GALNTL6: variants seen among roughly 807,000 people sequenced by gnomAD.
GALNTL6 encodes the protein polypeptide N-acetylgalactosaminyltransferase like 6, also known as polypeptide N-acetylgalactosaminyltransferase-like 6.
Under a neutral mutation model 73.7 loss-of-function variants are expected in GALNTL6, and 46 were observed. The ratio of observed to expected loss-of-function variants is 0.62; its 90% CI spans 0.49 to 0.80. GALNTL6 has a LOEUF of 0.80. GALNTL6 is among the 30% of genes least tolerant of loss of function. GALNTL6 has a pLI of 0.00. For missense variants in GALNTL6, 604 were observed against 755.0 expected, an observed-to-expected ratio of 0.80 and a Z score of 2.34; for synonymous variants, 259 against 263.7, an observed-to-expected ratio of 0.98 and a Z score of 0.17.
At chr4:172,303,341 CA>C (rs1175208100) in intron 3 of GALNTL6, among the ~76,000 whole-genome samples, 1 of 152,126 alleles carries the variant, frequency 6.6e-6, no homozygotes, top group Non-Finnish European at 1.5e-5. Flanking sequence ...TACTACACTT[CA>C]CTCTGATTAA....
At chr4:172,801,934 C>A (rs758910693) in intron 5 of GALNTL6, among the ~76,000 whole-genome samples, 12 of 152,102 alleles carry the variant, frequency 7.9e-5, no homozygotes, top group Non-Finnish European at 1.5e-4. Context: ...TGATGATCCA[C>A]TTCCATTTAA....
chr4:172,721,289 T>TG (rs1735459006), intron 5 of GALNTL6, among the ~76,000 whole-genome samples: 1 of 152,102 alleles, frequency 6.6e-6, no homozygotes, highest in Admixed American at 6.5e-5. Flanking sequence ...GGAAACCAAA[T>TG]ACTTGGAAGA....
intron 2 of GALNTL6, among the ~76,000 whole-genome samples, chr4:171,895,630 C>T (rs79628654): frequency 0.037 from 5,569 of 151,944 alleles, 319 homozygotes; most frequent in African/African-American, 0.12. Flanking sequence ...ATATTCATGA[C>T]GTCTATGATA....
chr4:171,966,589 G>T (rs572649489), intron 2 of GALNTL6, among the ~76,000 whole-genome samples: 1 of 152,278 alleles, frequency 6.6e-6, no homozygotes, highest in Non-Finnish European at 1.5e-5. Context: ...CTGGTGCTTA[G>T]GGAGGAAGGA....
chr4:172,379,621 ATAAAT>A (rs1743196422), intron 5 of GALNTL6, among the ~76,000 whole-genome samples: 1 of 151,002 alleles, frequency 6.6e-6, no homozygotes, highest in African/African-American at 2.4e-5. Context: ...AAAGGAGCTC[ATAAAT>A]TAAAATAAAA....
intron 2 of GALNTL6, among the ~76,000 whole-genome samples, chr4:171,980,467 T>C (rs563824931): frequency 6.6e-6 from 1 of 152,316 alleles, no homozygotes; most frequent in East Asian, 1.9e-4. Flanking sequence ...AAATTGATAA[T>C]GGATTTGAAT....
At chr4:172,417,296 G>A (rs1370370456) in intron 5 of GALNTL6, among the ~76,000 whole-genome samples, 1 of 151,836 alleles carries the variant, frequency 6.6e-6, no homozygotes, top group Admixed American at 6.6e-5. Flanking sequence ...AGCAATCTGT[G>A]GCCCTCATTC....
chr4:172,215,897 T>G (rs1318425355), intron 2 of GALNTL6, among the ~76,000 whole-genome samples: 1 of 152,138 alleles, frequency 6.6e-6, no homozygotes, highest in Non-Finnish European at 1.5e-5. Context: ...TACTCGAGTT[T>G]GCATTATGCA....
chr4:172,000,251 G>A (rs955234395), intron 2 of GALNTL6, among the ~76,000 whole-genome samples: 2 of 152,074 alleles, frequency 1.3e-5, no homozygotes, highest in South Asian at 2.1e-4. Flanking sequence ...AATGAGGTCC[G>A]GCAGTATGGA....
intron 7 of GALNTL6, among the ~76,000 whole-genome samples, chr4:172,882,066 T>A (rs1207501013): frequency 6.6e-6 from 1 of 151,402 alleles, no homozygotes; most frequent in African/African-American, 2.4e-5. Context: ...ACTGCAAAAA[T>A]ATTTAGGGCA....
At chr4:171,935,814 G>T (rs1314024762) in intron 2 of GALNTL6, among the ~76,000 whole-genome samples, 1 of 152,132 alleles carries the variant, frequency 6.6e-6, no homozygotes, top group East Asian at 1.9e-4. Flanking sequence ...GGGCAGGTGT[G>T]TAGATGAATT....
At chr4:172,610,292 G>T (rs1039868088) in intron 5 of GALNTL6, among the ~76,000 whole-genome samples, 3 of 151,914 alleles carry the variant, frequency 2.0e-5, no homozygotes, top group East Asian at 1.9e-4. Flanking sequence ...TGTGATGTTA[G>T]GTTGTTAAAT....
At chr4:172,206,805 G>GTTTGTT (rs1554003003) in intron 2 of GALNTL6, among the ~76,000 whole-genome samples, 578 of 26,122 alleles carry the variant, frequency 0.022, 117 homozygotes, top group South Asian at 0.025. Context: ...TTGTTTTTCT[G>GTTTGTT]TTTTTTTTGT....
intron 5 of GALNTL6, among the ~76,000 whole-genome samples, chr4:172,553,677 T>C (rs1245085120): frequency 2.6e-5 from 4 of 152,150 alleles, no homozygotes; most frequent in Non-Finnish European, 1.5e-5. Context: ...GCACATACAA[T>C]ATATTATTAA....
chr4:172,220,964 T>A (rs1260557528), intron 2 of GALNTL6, among the ~76,000 whole-genome samples: 1 of 151,886 alleles, frequency 6.6e-6, no homozygotes, highest in Non-Finnish European at 1.5e-5. Context: ...TTTAGGAATA[T>A]GAAACAGATA....
intron 3 of GALNTL6, among the ~76,000 whole-genome samples, chr4:172,279,226 A>T (rs974428618): frequency 6.6e-6 from 1 of 152,166 alleles, no homozygotes; most frequent in East Asian, 1.9e-4. Context: ...ATTGGACTAC[A>T]TCAAAATTAT....
intron 2 of GALNTL6, among the ~76,000 whole-genome samples, chr4:171,851,987 T>A (rs1483033456): frequency 6.6e-6 from 1 of 152,230 alleles, no homozygotes; most frequent in Non-Finnish European, 1.5e-5. Flanking sequence ...TTTGCTTTGT[T>A]TTTCCAAGTA....
intron 2 of GALNTL6, among the ~76,000 whole-genome samples, chr4:172,131,550 G>A (rs955216824): frequency 1.3e-5 from 2 of 150,558 alleles, no homozygotes; most frequent in African/African-American, 4.9e-5. Context: ...GTTTGTGTGT[G>A]TATGCTTTTA....
chr4:172,452,431 A>G (rs777472510), intron 5 of GALNTL6, among the ~76,000 whole-genome samples: 3 of 152,174 alleles, frequency 2.0e-5, no homozygotes, highest in Non-Finnish European at 4.4e-5. Flanking sequence ...CCAGAGATAC[A>G]TTACTAACCC....
Sources: gnomAD v4.1 joint callset for allele counts (sites outside exome capture counted in the v4.1 genomes callset) on GRCh38, gnomAD v4.1.1 for gene constraint, MANE v1.5 for transcripts, NCBI Gene and HGNC (gene_info 2026-07-23, HGNC 2026-07-21) for gene names.